The following ARSB variants were observed in gnomAD, a reference collection of about 807,000 sequenced individuals.
ARSB encodes N-acetylgalactosamine-4-sulfatase.
Under a neutral mutation model 50.9 loss-of-function variants are expected in ARSB, and 41 were observed. The observed-to-expected ratio is 0.81, with a 90% CI of 0.63 to 1.04. ARSB has a LOEUF of 1.04. ARSB is among the 50% of genes least tolerant of loss of function. ARSB has a pLI of 0.00. For missense variants in ARSB, 672 were observed against 693.3 expected, an observed-to-expected ratio of 0.97 and a Z score of 0.35; for synonymous variants, 269 against 284.8, an observed-to-expected ratio of 0.94 and a Z score of 0.56.
chr5:78,983,145 C>T (rs534097148), intron 1 of ARSB, among the ~76,000 whole-genome samples: 1 of 152,200 alleles, frequency 6.6e-6, no homozygotes, highest in East Asian at 1.9e-4. Flanking sequence ...CCTCTGCCTC[C>T]CGAGTTCAAG....
intron 6 of ARSB, among the ~76,000 whole-genome samples, chr5:78,831,322 C>T (rs1744674183): frequency 6.6e-6 from 1 of 152,018 alleles, no homozygotes; most frequent in South Asian, 2.1e-4. Flanking sequence ...GCCCACCCCA[C>T]ACACAGCTCC....
At chr5:78,968,530 T>C (rs1752308516) in intron 2 of ARSB, among the ~76,000 whole-genome samples, 1 of 151,954 alleles carries the variant, frequency 6.6e-6, no homozygotes, top group Non-Finnish European at 1.5e-5. Flanking sequence ...TTTGTATTTT[T>C]AGTAGAGACA....
intron 4 of ARSB, among the ~76,000 whole-genome samples, chr5:78,896,493 T>C (rs1338581112): frequency 6.6e-6 from 1 of 152,230 alleles, no homozygotes; most frequent in Non-Finnish European, 1.5e-5. Flanking sequence ...AAGTAAGTTA[T>C]ATTCTTTGCA....
intron 1 of ARSB, among the ~76,000 whole-genome samples, chr5:78,983,817 T>A (rs1431256379): frequency 6.6e-6 from 1 of 152,210 alleles, no homozygotes; most frequent in Non-Finnish European, 1.5e-5. Context: ...CTAGGGTTGA[T>A]CTGACAGGTT....
intron 6 of ARSB, among the ~76,000 whole-genome samples, chr5:78,792,133 C>A (rs1353119867): frequency 1.3e-5 from 2 of 152,096 alleles, no homozygotes; most frequent in African/African-American, 4.8e-5. Flanking sequence ...AATCCCAGCA[C>A]TTTGGGAGGC....
chr5:78,978,847 A>C (rs542446884), intron 1 of ARSB, among the ~76,000 whole-genome samples: 1 of 152,220 alleles, frequency 6.6e-6, no homozygotes, highest in Non-Finnish European at 1.5e-5. Flanking sequence ...TGGATCAAAG[A>C]CCTAAATGTA....
chr5:78,796,134 A>G (rs558711976), intron 6 of ARSB, among the ~76,000 whole-genome samples: 2 of 152,246 alleles, frequency 1.3e-5, no homozygotes, highest in Non-Finnish European at 2.9e-5. Context: ...AGCCACCTAT[A>G]CCTGAAATAG....
At chr5:78,980,412 A>T (rs963693807) in intron 1 of ARSB, among the ~76,000 whole-genome samples, 10 of 152,206 alleles carry the variant, frequency 6.6e-5, no homozygotes, top group African/African-American at 2.2e-4. Flanking sequence ...CAAAGTATTC[A>T]CTTCACCATT....
chr5:78,880,871 T>C (rs62379692), intron 5 of ARSB, among the ~76,000 whole-genome samples: 20,617 of 152,154 alleles, frequency 0.14, 1,685 homozygotes, highest in Middle Eastern at 0.21. Flanking sequence ...CTTAAAAAAC[T>C]GCAAAAAACA....
chr5:78,844,077 G>C (rs993068098), intron 5 of ARSB, among the ~76,000 whole-genome samples: 1 of 152,078 alleles, frequency 6.6e-6, no homozygotes, highest in Non-Finnish European at 1.5e-5. Flanking sequence ...ACTAGGAGTG[G>C]AATTGCCAGG....
At chr5:78,811,456 A>G (rs939126134) in intron 6 of ARSB, among the ~76,000 whole-genome samples, 3 of 152,342 alleles carry the variant, frequency 2.0e-5, no homozygotes, top group Admixed American at 1.3e-4. Context: ...AGGCCACAAA[A>G]GAGTTAATTC....
intron 6 of ARSB, among the ~76,000 whole-genome samples, chr5:78,792,151 G>A (rs563069905): frequency 6.6e-6 from 1 of 152,234 alleles, no homozygotes; most frequent in Admixed American, 6.5e-5. Context: ...GGCTGAGGCG[G>A]GCAGATCACT....
In ARSB at chr5:78,839,358, G is replaced by A. The variant is rs200665696; in HGVS notation, c.1211C>T (p.Pro404Leu). 78 of 1,613,216 alleles carry A rather than the reference G, an allele frequency of 4.8e-5. No homozygotes were observed. The highest frequency in any genetic ancestry group is 2.1e-4 in the African/African-American group (16 of 74,866). Residue 404 changes from proline to leucine, a missense_variant and splice_region_variant, in exon 6 of 8, where the codon CCG becomes CTG. Pro to Leu is a moderately conservative substitution (Grantham distance 98). Transcript: ENST00000264914. The part of the protein sequence containing the change: ...NIDPNFVDSS[P>L]CPRNSMAPAK... Reference sequence around the variant, plus strand: ...AGTAGCAATGCACTGGTACTCACACGGTGAAGAGTCCACGAAGTTCGGGTC... The same window carrying A: ...AGTAGCAATGCACTGGTACTCACACAGTGAAGAGTCCACGAAGTTCGGGTC...
At chr5:78,912,565 A>C (rs1176328269) in intron 4 of ARSB, among the ~76,000 whole-genome samples, 1 of 152,278 alleles carries the variant, frequency 6.6e-6, no homozygotes, top group Non-Finnish European at 1.5e-5. Context: ...AGGGAAAAGC[A>C]AATAAACATA....
intron 6 of ARSB, among the ~76,000 whole-genome samples, chr5:78,787,091 C>CATCTATCT (rs143701672): frequency 0.14 from 17,489 of 127,894 alleles, 1,158 homozygotes; most frequent in South Asian, 0.17. Context: ...AATCGATAAC[C>CATCTATCT]ATCTATCTAT....
rs146102825 is a variant in ARSB at position 78,823,445 on chromosome 5, T to C, written c.1213+15911A>G. Reference sequence around the variant, plus strand: ...CTACTAAAACTCTTTCTGGGGACTTTTTGGGGTTTGCCTATACCCATCCAT... The same window carrying C: ...CTACTAAAACTCTTTCTGGGGACTTCTTGGGGTTTGCCTATACCCATCCAT... On this transcript the variant is annotated intron_variant, in intron 6 of 7. Transcript: ENST00000264914. 3.9e-5 allele frequency among the ~76,000 whole-genome samples: 6 copies of C among 152,342 alleles called. 1 individual carries two copies. The highest frequency in any genetic ancestry group is 1.4e-4 in the African/African-American group (6 of 41,572).
chr5:78,808,356 C>T (rs1283772847), intron 6 of ARSB, among the ~76,000 whole-genome samples: 3 of 151,810 alleles, frequency 2.0e-5, no homozygotes, highest in Non-Finnish European at 2.9e-5. Flanking sequence ...AATCATGATA[C>T]TATTATATTA....
intron 4 of ARSB, among the ~76,000 whole-genome samples, chr5:78,896,373 G>T (rs142018594): frequency 1.3e-5 from 2 of 152,126 alleles, no homozygotes; most frequent in Non-Finnish European, 2.9e-5. Flanking sequence ...GGGGAGCCAG[G>T]ATGAGATCAT....
chr5:78,829,956 A>C (rs1744598112), intron 6 of ARSB, among the ~76,000 whole-genome samples: 1 of 152,174 alleles, frequency 6.6e-6, no homozygotes, highest in Non-Finnish European at 1.5e-5. Context: ...AGAGGAAAAA[A>C]GGAGTCTGGA....
Sources: allele counts gnomAD v4.1 joint callset (sites outside exome capture counted in the v4.1 genomes callset), GRCh38; gene constraint gnomAD v4.1.1; transcripts MANE v1.5; gene names NCBI Gene and HGNC (gene_info 2026-07-23, HGNC 2026-07-21).